The following CACNA1E variants were observed in gnomAD, a reference collection of about 807,000 sequenced individuals.
The protein encoded by CACNA1E is voltage-dependent R-type calcium channel subunit alpha-1E.
A neutral mutation model predicts 259.2 loss-of-function variants in CACNA1E; 40 were observed. The observed-to-expected ratio is 0.15, with a 90% CI of 0.12 to 0.20. The LOEUF is 0.20. Ranked by LOEUF, CACNA1E falls within the 10% of genes least tolerant of loss-of-function variation. CACNA1E has a pLI of 1.00. For synonymous variants in CACNA1E, 1,104 were observed against 1,138.5 expected (o/e 0.97, Z 0.61); for missense variants, 1,874 against 3,040.1 (o/e 0.62, Z 9.02).
chr1:181,681,530 G>A (rs947562134), intron 7 of CACNA1E, among the ~76,000 whole-genome samples: 2 of 152,096 alleles, frequency 1.3e-5, no homozygotes, highest in African/African-American at 2.4e-5. Context: ...ACCAAATGGT[G>A]TCCCTTCCTC....
At chr1:181,406,017 G>A (rs748112735) in intron 1 of CACNA1E, among the ~76,000 whole-genome samples, 2 of 152,190 alleles carry the variant, frequency 1.3e-5, no homozygotes, top group African/African-American at 2.4e-5. Context: ...GCAGAGTTGT[G>A]TAGTTGCAAC....
chr1:181,614,209 C>A (rs80022369), intron 6 of CACNA1E, among the ~76,000 whole-genome samples: 7,236 of 151,892 alleles, frequency 0.048, 590 homozygotes, highest in African/African-American at 0.17. Flanking sequence ...CTTTTCTTTT[C>A]TTTTTTTTCT....
At chr1:181,473,755 T>C (rs887563539) in intron 2 of CACNA1E, among the ~76,000 whole-genome samples, 1 of 152,238 alleles carries the variant, frequency 6.6e-6, no homozygotes, top group Non-Finnish European at 1.5e-5. Context: ...AAATTTCTAT[T>C]AATGATATCA....
At chr1:181,683,896 C>T (rs1572590341) in intron 7 of CACNA1E, among the ~76,000 whole-genome samples, 1 of 152,168 alleles carries the variant, frequency 6.6e-6, no homozygotes, top group East Asian at 1.9e-4. Context: ...CTGCAATGAA[C>T]ATATGTATGC....
At chr1:181,665,739 A>G (rs949981733) in intron 7 of CACNA1E, among the ~76,000 whole-genome samples, 1 of 152,140 alleles carries the variant, frequency 6.6e-6, no homozygotes, top group Non-Finnish European at 1.5e-5. Flanking sequence ...TACAATTACA[A>G]TGTGCCAATT....
At chr1:181,319,371 C>G (rs1251817496) in intron 1 of CACNA1E, among the ~76,000 whole-genome samples, 1 of 152,188 alleles carries the variant, frequency 6.6e-6, no homozygotes, top group Non-Finnish European at 1.5e-5. Flanking sequence ...AAGGGGCTTT[C>G]TCTCCTGGGG....
At chr1:181,585,083 G>A (rs1245525328) in intron 6 of CACNA1E, among the ~76,000 whole-genome samples, 3 of 152,066 alleles carry the variant, frequency 2.0e-5, no homozygotes, top group Non-Finnish European at 4.4e-5. Context: ...CTGGGATCCT[G>A]TAATATAGGT....
intron 1 of CACNA1E, among the ~76,000 whole-genome samples, chr1:181,336,317 G>A (rs1651704974): frequency 6.6e-6 from 1 of 152,174 alleles, no homozygotes; most frequent in South Asian, 2.1e-4. Flanking sequence ...TACTTATCAA[G>A]CTCTTATAAT....
At chr1:181,691,770 G>T (rs114350409) in intron 7 of CACNA1E, among the ~76,000 whole-genome samples, 1,645 of 152,242 alleles carry the variant, frequency 0.011, 32 homozygotes, top group African/African-American at 0.037. Flanking sequence ...AGACAAGGAT[G>T]CCCACTCTCA....
intron 1 of CACNA1E, among the ~76,000 whole-genome samples, chr1:181,497,612 A>G (rs1664875873): frequency 6.6e-6 from 1 of 152,148 alleles, no homozygotes; most frequent in Non-Finnish European, 1.5e-5. Flanking sequence ...TGAAGTGGAT[A>G]TTGTTCTCAT....
chr1:181,437,056 A>C (rs1312782386), intron 2 of CACNA1E, among the ~76,000 whole-genome samples: 3 of 152,170 alleles, frequency 2.0e-5, no homozygotes, highest in Admixed American at 2.0e-4. Context: ...TAAAACACGA[A>C]AAACCAAGAG....
At chr1:181,703,703 C>T (rs1311815794) in intron 7 of CACNA1E, among the ~76,000 whole-genome samples, 1 of 152,200 alleles carries the variant, frequency 6.6e-6, no homozygotes, top group Non-Finnish European at 1.5e-5. Context: ...TGGAATAGCA[C>T]TGGCTTTGGA....
At chr1:181,781,571 G>A in intron 39 of CACNA1E, 48 bp downstream of exon 39, 1 of 979,414 alleles carries the variant, frequency 1.0e-6, no homozygotes, top group Non-Finnish European at 1.6e-6. Flanking sequence ...ACAGGAAATG[G>A]GATCTAGTTG....
At chr1:181,422,184 C>T (rs150019692) in intron 2 of CACNA1E, among the ~76,000 whole-genome samples, 5 of 152,318 alleles carry the variant, frequency 3.3e-5, no homozygotes, top group Admixed American at 6.5e-5. Flanking sequence ...GACACCTGGT[C>T]ACTGTGCCAT....
At chr1:181,743,973 C>T (rs936712062) in intron 25 of CACNA1E, among the ~76,000 whole-genome samples, 2 of 152,280 alleles carry the variant, frequency 1.3e-5, no homozygotes, top group Admixed American at 6.5e-5. Context: ...CAAAGCTTCC[C>T]ATTGCCATTT....
chr1:181,359,682 C>A (rs774717114), intron 1 of CACNA1E, among the ~76,000 whole-genome samples: 8 of 152,130 alleles, frequency 5.3e-5, no homozygotes, highest in Non-Finnish European at 1.2e-4. Flanking sequence ...AAATTCCTCC[C>A]GAGCTTCCCT....
chr1:181,759,141 A>G (rs915733083), intron 32 of CACNA1E, among the ~76,000 whole-genome samples: 56 of 152,232 alleles, frequency 3.7e-4, no homozygotes, highest in African/African-American at 1.3e-3. Flanking sequence ...TAGAACTGCA[A>G]TTTATGTGTA....
chr1:181,445,697 G>A lies in CACNA1E; in HGVS notation c.434+32117G>A, dbSNP rs191443213. On this transcript the variant is annotated intron_variant, in intron 2 of 11. Coordinates refer to the CACNA1E transcript ENST00000524607. ...GGATCAGCCTGACACAGAGGCAGCA[G>A]TTGGGGAGCATTCTAAGTTAAGAGT... Among the ~76,000 whole-genome samples, 307 of 152,394 alleles carry A rather than the reference G, an allele frequency of 2.0e-3. 2 individuals carry two copies. The highest frequency in any genetic ancestry group is 1.4e-3 in the Non-Finnish European group (94 of 68,024).
chr1:181,398,885 G>T (rs1379686490), intron 1 of CACNA1E, among the ~76,000 whole-genome samples: 26 of 152,188 alleles, frequency 1.7e-4, no homozygotes, highest in Admixed American at 1.6e-3. Context: ...CTTTCAGCTT[G>T]AATCAAAAGG....
Sources: allele counts gnomAD v4.1 joint callset (sites outside exome capture counted in the v4.1 genomes callset), GRCh38; gene constraint gnomAD v4.1.1; transcripts MANE v1.5; gene names NCBI Gene and HGNC (gene_info 2026-07-23, HGNC 2026-07-21).